BCL6: variants seen among roughly 807,000 people sequenced by gnomAD.
BCL6 encodes BCL6 transcription repressor.
BCL6 carries 7 observed loss-of-function variants against 59.5 expected under a neutral mutation model. That is an observed-to-expected ratio of 0.12 (90% CI 0.07 to 0.22). BCL6 has a LOEUF of 0.22. BCL6 is among the 10% of genes least tolerant of loss of function. BCL6 has a pLI of 1.00. For synonymous variants in BCL6, 339 were observed against 349.7 expected, an observed-to-expected ratio of 0.97 and a Z score of 0.34; for missense variants, 685 against 939.4, an observed-to-expected ratio of 0.73 and a Z score of 3.54.
At chr3:187,738,827 C>T (rs1258430153) in intron 1 of BCL6, among the ~76,000 whole-genome samples, 1 of 152,152 alleles carries the variant, frequency 6.6e-6, no homozygotes. Flanking sequence ...TTGAGGCTTT[C>T]TCACCCCTTC....
Position 187,740,385 on chromosome 3 carries a change from A to G in BCL6, c.-50+5025T>C, listed in dbSNP as rs139050548. ...CAAACCCCCGAGCTCCGAGACCCAC[A>G]CCCTTCAGCACCATCTGGGCTTTTC... On this transcript the variant is annotated intron_variant, in intron 1 of 9. Transcript: ENST00000406870. Among the ~76,000 whole-genome samples, 620 of 151,978 alleles carry G rather than the reference A, an allele frequency of 4.1e-3. 5 individuals carry two copies. The highest frequency in any genetic ancestry group is 0.014 in the African/African-American group (573 of 41,404).
intron 2 of BCL6, among the ~76,000 whole-genome samples, chr3:187,734,034 T>C (rs1560154174): frequency 6.6e-6 from 1 of 152,032 alleles, no homozygotes. Context: ...AGACACCGTG[T>C]TTTTTGTTTT....
At position 187,729,927 on chromosome 3, in the gene BCL6, G is replaced by C; in HGVS notation, c.478C>G (p.Arg160Gly). 1 of 1,613,932 alleles carries C rather than the reference G, an allele frequency of 6.2e-7. No individual in the cohort carries two copies. Among genetic ancestry groups the C allele is most frequent in the Non-Finnish European group, 8.5e-7 (1 of 1,179,930 alleles). Residue 160 changes from arginine to glycine, a missense_variant, in exon 5 of 10, where the codon CGT becomes GGT. Around this residue, in one of 7 missense-constraint regions of BCL6, gnomAD observed 268 missense variants for 263.8 expected, o/e 1.02. Coordinates refer to ENST00000406870, the MANE Select transcript of BCL6 (RefSeq NM_001706.5). The surrounding 1 kb of genome is among the most constrained non-coding windows in gnomAD (Gnocchi z 5.6). ...MPQDIMAYRG[R>G]EVVENNLPLR... Reference sequence around the variant, plus strand: ...GGCAGGTTGTTCTCCACCACCTCACGACCCCGATAGGCCATGATGTCTTGG... The same window carrying C: ...GGCAGGTTGTTCTCCACCACCTCACCACCCCGATAGGCCATGATGTCTTGG...
At chr3:187,737,970 C>CGGGG (rs1039329852) in intron 1 of BCL6, 4 of 151,866 alleles carry the variant, frequency 2.6e-5, no homozygotes, top group Non-Finnish European at 4.4e-5. Context: ...CGCTGGCCGC[C>CGGGG]GGGGATTCAC....
intron 6 of BCL6, 88 bp from the exon 7 acceptor site, chr3:187,726,986 G>A: frequency 6.9e-7 from 1 of 1,453,558 alleles, no homozygotes; most frequent in East Asian, 2.3e-5. Context: ...GCTACCCCTT[G>A]TGCCAAACTG....
intron 5 of BCL6, 137 bp from the exon 6 acceptor site, chr3:187,728,681 AGTTTAT>A: frequency 1.2e-6 from 1 of 865,436 alleles, no homozygotes. Flanking sequence ...GTTGTCCTCA[AGTTTAT>A]CTCCAAACAG....
intron 1 of BCL6, chr3:187,737,347 C>A (rs1316551736): frequency 1.5e-5 from 1 of 68,496 alleles, no homozygotes; most frequent in Non-Finnish European, 2.8e-5. Context: ...GCAGAAACGA[C>A]AGAGAGAGAG....
chr3:187,731,960 T>G, intron 3 of BCL6, 30 bp from the exon 4 acceptor site: 1 of 1,571,276 alleles, frequency 6.4e-7, no homozygotes, highest in Non-Finnish European at 8.7e-7. Flanking sequence ...CCCACTATAG[T>G]AGACATATCG....
At chr3:187,745,229 C>A (rs188862098) in intron 1 of BCL6, among the ~76,000 whole-genome samples, 181 bp downstream of exon 1, 1 of 152,114 alleles carries the variant, frequency 6.6e-6, no homozygotes, top group Admixed American at 6.5e-5. Flanking sequence ...TAAATATATA[C>A]ATTTATATCA....
chr3:187,728,645 G>A, intron 5 of BCL6, 101 bp from the exon 6 acceptor site: 1 of 1,174,690 alleles, frequency 8.5e-7, no homozygotes, highest in East Asian at 2.6e-5. Context: ...GAGCTGGGCT[G>A]CCCACTCAAG....
rs142294621 is a variant in BCL6, at chr3:187,726,828, C to T, written c.1611G>A (p.Thr537=). Residue 537 remains threonine, a synonymous_variant, in exon 7 of 10, where the codon ACG becomes ACA. Coordinates refer to ENST00000406870, the MANE Select transcript of BCL6 (RefSeq NM_001706.5). ...FSEEASLKRH[T]LQTHSDKPYK... ...AGGGTTTGTCACTGTGGGTCTGCAGCGTGTGCCTCTTGAGTGAGGCCTCCT... is the reference window on the plus strand; with the variant it reads ...AGGGTTTGTCACTGTGGGTCTGCAGTGTGTGCCTCTTGAGTGAGGCCTCCT... 12 of 1,614,222 alleles carry T rather than the reference C, an allele frequency of 7.4e-6. No homozygotes were observed. The highest frequency in any genetic ancestry group is 1.7e-5 in the Admixed American group (1 of 60,030).
intron 1 of BCL6, among the ~76,000 whole-genome samples, chr3:187,744,991 T>C (rs1212899047): frequency 2.0e-5 from 3 of 151,436 alleles, no homozygotes; most frequent in Admixed American, 1.3e-4. Flanking sequence ...AAGCACTGTC[T>C]CGTCCTCTCT....
At chr3:187,743,018 C>T (rs1364978566) in intron 1 of BCL6, among the ~76,000 whole-genome samples, 1 of 132,526 alleles carries the variant, frequency 7.5e-6, no homozygotes, top group East Asian at 2.5e-4. Context: ...TCTTGCCGCC[C>T]CCTCTTTTTT....
intron 1 of BCL6, 81 bp downstream of exon 1, chr3:187,745,329 G>GGCGGCGGCAGCGGCACCA: frequency 2.5e-6 from 1 of 401,024 alleles, no homozygotes; most frequent in Non-Finnish European, 4.4e-6. Flanking sequence ...CATGAGCAGC[G>GGCGGCGGCAGCGGCACCA]GCGGCGGCAG....
intron 1 of BCL6, among the ~76,000 whole-genome samples, chr3:187,744,306 C>A (rs2108483247): frequency 6.6e-6 from 1 of 152,262 alleles, no homozygotes; most frequent in Admixed American, 6.5e-5. Context: ...ATCGCAGGTG[C>A]AGTGCGCACC....
In BCL6 at chr3:187,729,813, A is replaced by G. The variant is rs1234897185; in HGVS notation, c.592T>C (p.Tyr198His). 7 of 1,614,110 alleles carry G rather than the reference A, an allele frequency of 4.3e-6. No homozygotes were observed. Among genetic ancestry groups the G allele is most frequent in the Middle Eastern group, 1.7e-4 (1 of 6,060 alleles). ...LSTPPASYSM[Y>H]SHLPVSSLLF... ...AGGCTGCTGACAGGGAGGTGGCTGT[A>G]CATGGAATAAGAGGCTGGCGGTGTG... is the stretch of plus-strand genomic sequence containing the variant. Residue 198 changes from tyrosine (Y) to histidine (H), a missense_variant, in exon 5 of 10, where the codon TAC becomes CAC. By Grantham distance (83) the Tyr-to-His change is moderately conservative. Around this residue, in one of 7 missense-constraint regions of BCL6, gnomAD observed 268 missense variants for 263.8 expected, o/e 1.02. Coordinates refer to ENST00000406870, the MANE Select transcript of BCL6 (RefSeq NM_001706.5). The surrounding 1 kb of genome is among the most constrained non-coding windows in gnomAD (Gnocchi z 5.6).
At position 187,729,777 on chromosome 3, in the gene BCL6, C is replaced by T. The variant is rs151194132; in HGVS notation, c.628G>A (p.Asp210Asn). Reference protein sequence around the residue: ...HLPVSSLLFSDEEFRDVRMPV... With the variant: ...HLPVSSLLFSNEEFRDVRMPV... Reference sequence around the variant, plus strand: ...ATCCGGACATCCCGAAACTCCTCATCGGAGAAGAGGAGGCTGCTGACAGGG... The same window carrying T: ...ATCCGGACATCCCGAAACTCCTCATTGGAGAAGAGGAGGCTGCTGACAGGG... The change falls in exon 5 of 10, where the codon GAT becomes AAT. Residue 210 changes from aspartate (D) to asparagine (N), a missense_variant. Coordinates refer to ENST00000406870, the MANE Select transcript of BCL6 (RefSeq NM_001706.5). The surrounding 1 kb of genome is among the most constrained non-coding windows in gnomAD (Gnocchi z 5.6). 186 of 1,613,990 alleles carry T rather than the reference C, an allele frequency of 1.2e-4. No individual in the cohort carries two copies. Among genetic ancestry groups the T allele is most frequent in the Non-Finnish European group, 1.4e-4 (170 of 1,180,036 alleles).
At chr3:187,745,330 G>A (rs905460351) in intron 1 of BCL6, 80 bp downstream of exon 1, 1 of 401,262 alleles carries the variant, frequency 2.5e-6, no homozygotes, top group Non-Finnish European at 4.4e-6. Flanking sequence ...ATGAGCAGCG[G>A]CGGCGGCAGC....
chr3:187,741,979 CA>C (rs1206770570), intron 1 of BCL6, among the ~76,000 whole-genome samples: 99 of 146,896 alleles, frequency 6.7e-4, no homozygotes, highest in African/African-American at 1.0e-3. Flanking sequence ...CTCCCCCCAC[CA>C]AAAAAAAAAA....
Sources: gnomAD v4.1 joint callset for allele counts (sites outside exome capture counted in the v4.1 genomes callset) on GRCh38, gnomAD v4.1.1 for gene constraint, gnomAD v4.1.1 regional missense constraint, Gnocchi (gnomAD v3.1) non-coding constraint, MANE v1.5 for transcripts, NCBI Gene and HGNC (gene_info 2026-07-23, HGNC 2026-07-21) for gene names.